LSM3: variants seen among roughly 807,000 people sequenced by gnomAD.
LSM3 encodes the protein U6 snRNA-associated Sm-like protein LSm3.
Under a neutral mutation model 15.4 loss-of-function variants are expected in LSM3, and 14 were observed. The observed-to-expected ratio is 0.91, with a 90% CI of 0.60 to 1.42. The LOEUF is 1.42. Among genes scored for constraint, LSM3 ranks in the 40% most tolerant of loss-of-function variants. The pLI, the probability that LSM3 is intolerant of heterozygous loss-of-function variation, is 0.00. For missense variants in LSM3, 88 were observed against 127.9 expected, an observed-to-expected ratio of 0.69 and a Z score of 1.50; for synonymous variants, 46 against 45.1, an observed-to-expected ratio of 1.02 and a Z score of -0.08.
rs945951853 is a variant in LSM3, at chr3:14,198,502, T to A, written c.*386T>A. 6 of 201,572 alleles carry A rather than the reference T, an allele frequency of 3.0e-5. No individual in the cohort carries two copies. The highest frequency in any genetic ancestry group is 5.5e-5 in the Admixed American group (1 of 18,114). The allele number at this position is 201,572 out of a possible 1,614,324, so 12.5% of individuals were successfully genotyped here. A position where few individuals can be genotyped will look rare whatever the true frequency, so the allele number is the denominator to read the frequency against. On this transcript the variant is annotated 3_prime_UTR_variant, in exon 4 of 4. Transcript: ENST00000306024. Reference sequence around the variant, plus strand: ...ATGTCTTACCTTCACTTAGCACACATTTGCAGTGCACCTACTGTGTTTGAG... The same window carrying A: ...ATGTCTTACCTTCACTTAGCACACAATTGCAGTGCACCTACTGTGTTTGAG...
At chr3:14,186,346 T>C (rs1013106724) in intron 3 of LSM3, among the ~76,000 whole-genome samples, 9 of 152,362 alleles carry the variant, frequency 5.9e-5, no homozygotes, top group Admixed American at 6.5e-5. Context: ...CTAACCTGTC[T>C]GTGGATATGT....
intron 1 of LSM3, among the ~76,000 whole-genome samples, chr3:14,179,743 T>C (rs1489093876): frequency 6.6e-6 from 1 of 152,214 alleles, no homozygotes; most frequent in Non-Finnish European, 1.5e-5. Flanking sequence ...TCAAAAAATA[T>C]TTGAGTGAAT....
chr3:14,187,975 G>A (rs1697104357), intron 3 of LSM3, among the ~76,000 whole-genome samples: 1 of 152,106 alleles, frequency 6.6e-6, no homozygotes, highest in Non-Finnish European at 1.5e-5. Context: ...TCGTAGTTTG[G>A]CTCACCAGAC....
At chr3:14,197,474 G>T (rs1459277915) in intron 3 of LSM3, among the ~76,000 whole-genome samples, 3 of 152,206 alleles carry the variant, frequency 2.0e-5, no homozygotes, top group African/African-American at 7.2e-5. Flanking sequence ...CCATATGTGT[G>T]ACCACAGTAG....
chr3:14,191,061 T>C (rs1219639294), intron 3 of LSM3, among the ~76,000 whole-genome samples: 2 of 152,226 alleles, frequency 1.3e-5, no homozygotes, highest in African/African-American at 4.8e-5. Context: ...GTTTTTGTGA[T>C]TGGTCCTGTT....
intron 3 of LSM3, among the ~76,000 whole-genome samples, chr3:14,194,775 CTTTTTTTTTTTTT>C (rs145805608): frequency 4.5e-5 from 4 of 88,800 alleles, no homozygotes; most frequent in African/African-American, 1.8e-4. Context: ...TTATAGCATC[CTTTTTTTTTTTTT>C]TTTTTTTTTT....
chr3:14,188,310 A>G (rs1410708640), intron 3 of LSM3, among the ~76,000 whole-genome samples: 1 of 152,210 alleles, frequency 6.6e-6, no homozygotes, highest in Non-Finnish European at 1.5e-5. Context: ...TCCCTCATAC[A>G]TAACTAACTC....
rs937245625 is a variant in LSM3 at position 14,179,016 on chromosome 3, C to A, written c.21+135C>A. The A allele has an allele frequency of 3.0e-5, 28 of 943,620 alleles. No individual in the cohort carries two copies. In the East Asian group the frequency reaches 5.0e-4, roughly 17 times the overall value. 58.5% of individuals were successfully genotyped at this position (943,620 alleles called of 1,614,324 possible). ...CTAATCCACCCTGTCCTTTCCGTAA[C>A]CCCCCCTCCGAATTTTGCCGTAGGC... On this transcript the variant is annotated intron_variant, in intron 1 of 3. Coordinates refer to ENST00000306024, the MANE Select transcript of LSM3 (RefSeq NM_014463.3).
intron 3 of LSM3, among the ~76,000 whole-genome samples, chr3:14,184,732 G>A (rs1697071449): frequency 6.8e-6 from 1 of 148,116 alleles, no homozygotes. Context: ...ACTCCAGCCT[G>A]GGCGACAGAG....
intron 3 of LSM3, among the ~76,000 whole-genome samples, chr3:14,194,124 C>T (rs1193546553): frequency 2.0e-5 from 3 of 152,234 alleles, no homozygotes; most frequent in African/African-American, 7.2e-5. Context: ...CTGTTTTTTC[C>T]TCTGGAATCT....
At chr3:14,178,937 T>A in intron 1 of LSM3, 56 bp downstream of exon 1, 1 of 1,599,908 alleles carries the variant, frequency 6.3e-7, no homozygotes, top group Non-Finnish European at 8.6e-7. Flanking sequence ...GGCTGCTTTT[T>A]CCAGACTCAG....
intron 1 of LSM3, among the ~76,000 whole-genome samples, chr3:14,180,380 C>G (rs1214996813): frequency 6.6e-6 from 1 of 151,870 alleles, no homozygotes; most frequent in Non-Finnish European, 1.5e-5. Flanking sequence ...CCTCTGCCTC[C>G]TGGGTTCAAG....
At chr3:14,187,566 AC>A (rs1443008747) in intron 3 of LSM3, among the ~76,000 whole-genome samples, 2 of 152,180 alleles carry the variant, frequency 1.3e-5, no homozygotes, top group African/African-American at 4.8e-5. Context: ...GAGAACAACT[AC>A]TTCACTCTCC....
At chr3:14,196,983 T>A (rs1410762262) in intron 3 of LSM3, among the ~76,000 whole-genome samples, 2 of 152,248 alleles carry the variant, frequency 1.3e-5, no homozygotes, top group African/African-American at 4.8e-5. Context: ...TTCTGCTTTC[T>A]GAAATTAATG....
chr3:14,199,685 G>A lies in LSM3; in HGVS notation c.*1569G>A, dbSNP rs1267346572. The stretch of plus-strand genomic sequence containing the variant: ...CATCCCCACGCTTTGTCCTTAAGCT[G>A]TAGTGGTCCCAGGAGATAACCTGTT... On this transcript the variant is annotated 3_prime_UTR_variant, in exon 4 of 4. Transcript: ENST00000306024. 6.6e-6 allele frequency: 1 copy of A among 152,236 alleles called. No homozygotes were observed. Among genetic ancestry groups the A allele is most frequent in the East Asian group, 1.9e-4 (1 of 5,192 alleles). The allele number at this position is 152,236 out of a possible 1,614,324, so 9.4% of individuals were successfully genotyped here.
At chr3:14,181,422 C>CT (rs1468952679) in intron 1 of LSM3, 138 bp from the exon 2 acceptor site, 1 of 653,096 alleles carries the variant, frequency 1.5e-6, no homozygotes, top group East Asian at 2.6e-5. Flanking sequence ...TAGGTAGACA[C>CT]TATTATCTCC....
At chr3:14,187,227 G>A (rs1271361207) in intron 3 of LSM3, among the ~76,000 whole-genome samples, 2 of 152,168 alleles carry the variant, frequency 1.3e-5, no homozygotes, top group Non-Finnish European at 2.9e-5. Context: ...TCTGGGTGGG[G>A]TGTCTGTAAC....
chr3:14,179,791 A>G (rs1000409652), intron 1 of LSM3, among the ~76,000 whole-genome samples: 1 of 152,234 alleles, frequency 6.6e-6, no homozygotes, highest in Non-Finnish European at 1.5e-5. Context: ...TGAGAAGCCA[A>G]TATTTAAAGC....
At chr3:14,188,142 A>G (rs1425459475) in intron 3 of LSM3, among the ~76,000 whole-genome samples, 1 of 152,192 alleles carries the variant, frequency 6.6e-6, no homozygotes, top group Non-Finnish European at 1.5e-5. Flanking sequence ...ATTTCTATCT[A>G]TGCTGTCATT....
Sources: gnomAD v4.1 joint callset for allele counts (sites outside exome capture counted in the v4.1 genomes callset) on GRCh38, gnomAD v4.1.1 for gene constraint, MANE v1.5 for transcripts, NCBI Gene and HGNC (gene_info 2026-07-23, HGNC 2026-07-21) for gene names.